The following CACNG4 variants were observed in gnomAD, a reference collection of about 807,000 sequenced individuals.
CACNG4 encodes the protein calcium voltage-gated channel auxiliary subunit gamma 4, also known as voltage-dependent calcium channel gamma-4 subunit.
In CACNG4, 8 loss-of-function variants were observed where a neutral mutation model predicts 22.9. That is an observed-to-expected ratio of 0.35 (90% CI 0.21 to 0.63). CACNG4 has a LOEUF of 0.63. Among genes scored for constraint, CACNG4 ranks in the 30% least tolerant of loss-of-function variants. CACNG4 has a pLI of 0.72. For missense variants in CACNG4, 357 were observed against 455.4 expected, an observed-to-expected ratio of 0.78 and a Z score of 1.97; for synonymous variants, 188 against 191.9, an observed-to-expected ratio of 0.98 and a Z score of 0.17.
At position 67,018,177 on chromosome 17, in the gene CACNG4, C is replaced by T. The variant is rs376140158; in HGVS notation, c.221-12C>T. 4.4e-6 allele frequency: 7 copies of T among 1,606,062 alleles called. No homozygotes were observed. The highest frequency in any genetic ancestry group is 2.7e-5 in the African/African-American group (2 of 74,886). On this transcript the variant is annotated splice_polypyrimidine_tract_variant and intron_variant, in intron 1 of 3. Coordinates refer to ENST00000262138, the MANE Select transcript of CACNG4 (RefSeq NM_014405.4). The stretch of plus-strand genomic sequence containing the variant: ...AGCATTTACAGTGTTCTTTTCCTCT[C>T]GTTCCTTCCAGGGATCTATAAAGGG...
At chr17:66,989,647 C>T (rs12450202) in intron 1 of CACNG4, among the ~76,000 whole-genome samples, 7,399 of 151,538 alleles carry the variant, frequency 0.049, 441 homozygotes, top group African/African-American at 0.1. Context: ...AAATAACTGC[C>T]GAATTAACCA....
rs1246005616 is a variant in CACNG4 at position 67,031,786 on chromosome 17, A to G, written c.*782A>G. On this transcript the variant is annotated 3_prime_UTR_variant, in exon 4 of 4. Coordinates refer to ENST00000262138, the MANE Select transcript of CACNG4 (RefSeq NM_014405.4). The surrounding 1 kb of genome is among the most constrained non-coding windows in gnomAD (Gnocchi z 4.0). The stretch of plus-strand genomic sequence containing the variant: ...TGGACTTCAGAGTCTGGAGGGTTCC[A>G]TCGGTCAGGGGAATGGCGGCCACGT... 2 of 456,510 alleles carry G rather than the reference A, an allele frequency of 4.4e-6. No homozygotes were observed. The highest frequency in any genetic ancestry group is 2.3e-5 in the Admixed American group (1 of 42,556). The allele number at this position is 456,510 out of a possible 1,614,324, so 28.3% of individuals were successfully genotyped here. A position where few individuals can be genotyped will look rare whatever the true frequency, so the allele number is the denominator to read the frequency against.
rs1598096636 is a variant in CACNG4 at position 66,964,759 on chromosome 17, C to T, written c.-153C>T. On this transcript the variant is annotated 5_prime_UTR_variant, in exon 1 of 4. In the 5' UTR this introduces an upstream ATG that the reference lacks. Transcript: ENST00000262138. ...CCCCAGCGCTGCCGGAGCGCAGGCACGCCCGGGGCGCGGGGTCGGAGCGCG... is the reference window on the plus strand; with the variant it reads ...CCCCAGCGCTGCCGGAGCGCAGGCATGCCCGGGGCGCGGGGTCGGAGCGCG... Among the ~76,000 whole-genome samples the T allele has an allele frequency of 6.9e-6, 1 of 144,932 alleles. No homozygotes were observed. Among genetic ancestry groups the T allele is most frequent in the Admixed American group, 6.8e-5 (1 of 14,656 alleles).
At chr17:66,998,258 T>C (rs147548388) in intron 1 of CACNG4, among the ~76,000 whole-genome samples, 2,525 of 152,274 alleles carry the variant, frequency 0.017, 42 homozygotes, top group Middle Eastern at 0.048. Flanking sequence ...AGTCTTGCTC[T>C]GTCCCCCAGG....
chr17:66,992,081 G>A (rs1209811717), intron 1 of CACNG4, among the ~76,000 whole-genome samples: 1 of 151,916 alleles, frequency 6.6e-6, no homozygotes, highest in Non-Finnish European at 1.5e-5. Flanking sequence ...TGGACTCTTG[G>A]AGCACGGGGT....
At chr17:67,004,892 T>C (rs2035428459) in intron 1 of CACNG4, among the ~76,000 whole-genome samples, 1 of 152,148 alleles carries the variant, frequency 6.6e-6, no homozygotes, top group African/African-American at 2.4e-5. Context: ...CCCAGCTAAT[T>C]TGTGTACTTT....
intron 1 of CACNG4, among the ~76,000 whole-genome samples, chr17:66,993,730 C>A (rs2143312471): frequency 6.6e-6 from 1 of 152,292 alleles, no homozygotes; most frequent in African/African-American, 2.4e-5. Context: ...CTCAGCCTCC[C>A]AAGTAGCTGG....
chr17:66,982,227 T>C (rs1053758610), intron 1 of CACNG4, among the ~76,000 whole-genome samples: 4 of 152,204 alleles, frequency 2.6e-5, no homozygotes, highest in Admixed American at 6.5e-5. Flanking sequence ...CTTTTATTCC[T>C]TTATTTGTCC....
intron 1 of CACNG4, among the ~76,000 whole-genome samples, chr17:67,016,694 G>T (rs2035500478): frequency 6.6e-6 from 1 of 152,198 alleles, no homozygotes; most frequent in Non-Finnish European, 1.5e-5. Context: ...CTCCCAGGCT[G>T]CAGGAGCAGG....
At chr17:66,988,500 G>C (rs1279024804) in intron 1 of CACNG4, among the ~76,000 whole-genome samples, 1 of 152,170 alleles carries the variant, frequency 6.6e-6, no homozygotes, top group African/African-American at 2.4e-5. Context: ...TTGGCTCCGC[G>C]TGTCTGCCTG....
intron 1 of CACNG4, among the ~76,000 whole-genome samples, chr17:67,000,350 C>T (rs1271432089): frequency 6.6e-6 from 1 of 152,152 alleles, no homozygotes; most frequent in Non-Finnish European, 1.5e-5. Context: ...GCCCACCAAG[C>T]CCCACGCCTG....
intron 1 of CACNG4, among the ~76,000 whole-genome samples, chr17:66,991,964 C>A (rs766893753): frequency 6.6e-6 from 1 of 152,204 alleles, no homozygotes; most frequent in Non-Finnish European, 1.5e-5. Flanking sequence ...GGAATGCGAG[C>A]TGCCTGCCCA....
intron 1 of CACNG4, among the ~76,000 whole-genome samples, chr17:67,007,943 C>G (rs2035446858): frequency 6.6e-6 from 1 of 152,104 alleles, no homozygotes; most frequent in Non-Finnish European, 1.5e-5. Context: ...GAGCCTTGTC[C>G]AGGAGTGGCT....
chr17:67,025,052 T>TG, intron 3 of CACNG4, 52 bp downstream of exon 3: 1 of 1,499,838 alleles, frequency 6.7e-7, no homozygotes. Flanking sequence ...GACACAGGAG[T>TG]GCCTGTCTCG....
At chr17:66,988,249 C>T (rs1027971333) in intron 1 of CACNG4, among the ~76,000 whole-genome samples, 1 of 152,038 alleles carries the variant, frequency 6.6e-6, no homozygotes, top group African/African-American at 2.4e-5. Flanking sequence ...CGGGAAGACC[C>T]AGGCTGGAGC....
chr17:67,019,614 C>G (rs1200781272), intron 2 of CACNG4, among the ~76,000 whole-genome samples: 1 of 152,260 alleles, frequency 6.6e-6, no homozygotes, highest in Non-Finnish European at 1.5e-5. Flanking sequence ...AACTCAGAAT[C>G]TGCCTTTCTC....
intron 1 of CACNG4, among the ~76,000 whole-genome samples, chr17:66,982,200 C>T (rs1013771625): frequency 6.6e-6 from 1 of 152,250 alleles, no homozygotes; most frequent in East Asian, 1.9e-4. Context: ...ATTGCCGCTG[C>T]TGGCTAGGGT....
In CACNG4 at chr17:67,027,976, C is replaced by T. The variant is rs530327944; in HGVS notation, c.446-2490C>T. Reference sequence around the variant, plus strand: ...CGGAGGTTGCAATGAGCTGAGATCACGCCACTGCACTCCAGCCTGGGCGAC... The same window carrying T: ...CGGAGGTTGCAATGAGCTGAGATCATGCCACTGCACTCCAGCCTGGGCGAC... On this transcript the variant is annotated intron_variant, in intron 3 of 3. Transcript: ENST00000262138. The surrounding 1 kb of genome is among the most constrained non-coding windows in gnomAD (Gnocchi z 4.3). 1.6e-3 allele frequency among the ~76,000 whole-genome samples: 246 copies of T among 151,936 alleles called. 1 individual carries two copies. The highest frequency in any genetic ancestry group is 2.5e-3 in the Admixed American group (38 of 15,248).
intron 1 of CACNG4, among the ~76,000 whole-genome samples, chr17:66,991,858 G>A (rs956044802): frequency 1.3e-5 from 2 of 152,204 alleles, no homozygotes; most frequent in African/African-American, 4.8e-5. Flanking sequence ...GGCAGGATCT[G>A]CAGGCCGACC....
Sources: allele counts gnomAD v4.1 joint callset (sites outside exome capture counted in the v4.1 genomes callset), GRCh38; gene constraint gnomAD v4.1.1; non-coding constraint Gnocchi (gnomAD v3.1); transcripts MANE v1.5; gene names NCBI Gene and HGNC (gene_info 2026-07-23, HGNC 2026-07-21).